Variants in GPI observed in about 807,000 individuals in gnomAD.
GPI encodes the protein glucose-6-phosphate isomerase.
In GPI, 56 loss-of-function variants were observed where a neutral mutation model predicts 75.8. The ratio of observed to expected loss-of-function variants is 0.74; its 90% CI spans 0.60 to 0.92. The LOEUF (loss-of-function observed/expected upper bound fraction) is 0.92, where lower values mean the gene tolerates loss of function less well. Among genes scored for constraint, GPI ranks in the 40% least tolerant of loss-of-function variants. The pLI is 0.00. For missense variants in GPI, 638 were observed against 741.0 expected, an observed-to-expected ratio of 0.86 and a Z score of 1.61; for synonymous variants, 288 against 285.4, an observed-to-expected ratio of 1.01 and a Z score of -0.09.
chr19:34,400,799 A>G lies in GPI; in HGVS notation c.*763A>G, dbSNP rs1599862701. The G allele has an allele frequency of 2.6e-6, 1 of 382,152 alleles. No homozygotes were observed. Among genetic ancestry groups the G allele is most frequent in the Non-Finnish European group, 4.6e-6 (1 of 216,078 alleles). 23.7% of individuals were successfully genotyped at this position (382,152 alleles called of 1,614,324 possible). ...GAGTGCAGTGGTGCAATCTCGGCTC[A>G]CTGCAACCTCCGCCTCCCGGGTTCA... On this transcript the variant is annotated 3_prime_UTR_variant, in exon 18 of 18. Transcript: ENST00000356487.
At chr19:34,394,223 T>C (rs2074912847) in intron 12 of GPI, among the ~76,000 whole-genome samples, 157 bp downstream of exon 12, 1 of 152,168 alleles carries the variant, frequency 6.6e-6, no homozygotes, top group Admixed American at 6.5e-5. Flanking sequence ...GATGAATCTT[T>C]GTAACTGAGG....
At chr19:34,365,971 G>A in intron 1 of GPI, 1 of 515,310 alleles carries the variant, frequency 1.9e-6, no homozygotes, top group Non-Finnish European at 3.8e-6. Context: ...TGGTGGAGGC[G>A]GGGGAGGGGA....
chr19:34,371,333 C>G (rs2074448790), intron 4 of GPI, among the ~76,000 whole-genome samples: 1 of 152,194 alleles, frequency 6.6e-6, no homozygotes, highest in African/African-American at 2.4e-5. Context: ...GTGGCAAAAC[C>G]TGAAACCAAG....
intron 2 of GPI, 25 bp downstream of exon 2, chr19:34,366,460 A>G: frequency 6.5e-7 from 1 of 1,526,786 alleles, no homozygotes; most frequent in East Asian, 2.2e-5. Flanking sequence ...GGGGAGGCAT[A>G]ACTGGTAACC....
At chr19:34,366,204 C>T (rs1339481071) in intron 1 of GPI, 141 bp from the exon 2 acceptor site, 1 of 725,270 alleles carries the variant, frequency 1.4e-6, no homozygotes, top group Non-Finnish European at 2.5e-6. Flanking sequence ...GTGACAGACA[C>T]CACCACTGTG....
At chr19:34,376,892 A>G (rs2074545576) in intron 4 of GPI, among the ~76,000 whole-genome samples, 1 of 152,174 alleles carries the variant, frequency 6.6e-6, no homozygotes, top group South Asian at 2.1e-4. Flanking sequence ...TACTAAAAAT[A>G]CAAAAAAATT....
intron 4 of GPI, among the ~76,000 whole-genome samples, chr19:34,372,359 G>C (rs914442472): frequency 9.2e-5 from 14 of 152,182 alleles, no homozygotes; most frequent in Non-Finnish European, 2.1e-4. Flanking sequence ...AGAAAAAGTA[G>C]GGCCAGGCAC....
In GPI at chr19:34,400,068, T is replaced by A; in HGVS notation, c.*32T>A. 1 of 1,602,742 alleles carries A rather than the reference T, an allele frequency of 6.2e-7. No individual in the cohort carries two copies. ...GCTCATCTGCAGCCTCCTCTGTGAC[T>A]CCCCTTTCTCTTCTCGTCCCTCCTC... On this transcript the variant is annotated 3_prime_UTR_variant, in exon 18 of 18. Transcript: ENST00000356487.
chr19:34,399,296 C>CAAG lies in GPI; in HGVS notation c.1361_1363dup (p.Lys454dup). The CAAG allele has an allele frequency of 6.2e-7, 1 of 1,614,112 alleles. No homozygotes were observed. Among genetic ancestry groups the CAAG allele is most frequent in the Non-Finnish European group, 8.5e-7 (1 of 1,180,010 alleles). ...CCCGAAAGGAGCTCCAGGCTGCGGGCAAGAGTCCAGAGGACCTTGAGAGGC... is the reference window on the plus strand; with the variant it reads ...CCCGAAAGGAGCTCCAGGCTGCGGGCAAGAAGAGTCCAGAGGACCTTGAGAGGC... On this transcript the variant is annotated inframe_insertion, in exon 15 of 18. Transcript: ENST00000356487.
intron 4 of GPI, among the ~76,000 whole-genome samples, chr19:34,370,640 T>C (rs2074437522): frequency 6.6e-6 from 1 of 151,358 alleles, no homozygotes; most frequent in African/African-American, 2.4e-5. Flanking sequence ...CAGGAGAATC[T>C]CTTGAACCCG....
At chr19:34,390,941 G>C (rs891084630) in intron 9 of GPI, among the ~76,000 whole-genome samples, 2 of 142,432 alleles carry the variant, frequency 1.4e-5, no homozygotes, top group African/African-American at 5.2e-5. Flanking sequence ...TGTGTCTGAG[G>C]AGGTAGCACC....
At chr19:34,379,076 A>AC in intron 7 of GPI, 71 bp downstream of exon 7, 2 of 1,313,736 alleles carry the variant, frequency 1.5e-6, no homozygotes, top group African/African-American at 2.9e-5. Flanking sequence ...CCCCTGAGTG[A>AC]CCAAGTCTGG....
chr19:34,365,155 G>A (rs8191358), upstream of GPI: 26,431 of 1,233,414 alleles, frequency 0.021, 337 homozygotes, highest in Admixed American at 0.034. Flanking sequence ...GGCCGGGCCG[G>A]GCGCCTGCGC....
At chr19:34,360,027 G>C (rs892269357), upstream of GPI, 2 of 152,312 alleles carry the variant, frequency 1.3e-5, no homozygotes, top group African/African-American at 4.8e-5. Flanking sequence ...TCTGCTGTCA[G>C]GTGTACCCTC....
chr19:34,392,206 CCCTT>C (rs2074861234), intron 9 of GPI: 3 of 24,112 alleles, frequency 1.2e-4, no homozygotes, highest in South Asian at 1.2e-3. Context: ...GGATCTGGCC[CCCTT>C]ATGAGGATCT....
chr19:34,374,010 C>G (rs2074494644), intron 4 of GPI, among the ~76,000 whole-genome samples: 1 of 152,030 alleles, frequency 6.6e-6, no homozygotes, highest in African/African-American at 2.4e-5. Flanking sequence ...TCTTGTCACC[C>G]AGGCCAGAGT....
intron 4 of GPI, 102 bp downstream of exon 4, chr19:34,368,804 A>T: frequency 7.3e-7 from 1 of 1,364,524 alleles, no homozygotes; most frequent in Non-Finnish European, 1.0e-6. Flanking sequence ...TGTAGGCAGG[A>T]CTCAGGTTCT....
intron 9 of GPI, among the ~76,000 whole-genome samples, chr19:34,390,719 T>G (rs946458916): frequency 6.6e-6 from 1 of 150,784 alleles, no homozygotes; most frequent in Non-Finnish European, 1.5e-5. Flanking sequence ...GGTATGAGGA[T>G]CTGGGTCTTC....
At chr19:34,395,858 C>T (rs1039955776) in intron 12 of GPI, among the ~76,000 whole-genome samples, 8 of 150,314 alleles carry the variant, frequency 5.3e-5, no homozygotes, top group Non-Finnish European at 7.4e-5. Flanking sequence ...GCAGGATTTG[C>T]GTACAGTGTG....
Sources: allele counts gnomAD v4.1 joint callset (sites outside exome capture counted in the v4.1 genomes callset), GRCh38; gene constraint gnomAD v4.1.1; transcripts MANE v1.5; gene names NCBI Gene and HGNC (gene_info 2026-07-23, HGNC 2026-07-21).